Variants in ERCC1 observed in about 807,000 individuals in gnomAD.
ERCC1 encodes the protein ERCC excision repair 1, endonuclease non-catalytic subunit.
A neutral mutation model predicts 37.6 loss-of-function variants in ERCC1; 36 were observed. That is an observed-to-expected ratio of 0.96 (90% CI 0.73 to 1.26). The LOEUF is 1.26. ERCC1 is among the 50% of genes most tolerant of loss of function. The probability of loss-of-function intolerance (pLI) is 0.00; values close to 1 mark genes in which losing one functional copy is unlikely to be tolerated. For synonymous variants in ERCC1, 156 were observed against 162.1 expected (o/e 0.96, Z 0.28); for missense variants, 349 against 376.5 (o/e 0.93, Z 0.60).
At chr19:45,422,672 G>T (rs975632337) in intron 2 of ERCC1, among the ~76,000 whole-genome samples, 2 of 152,102 alleles carry the variant, frequency 1.3e-5, no homozygotes, top group African/African-American at 2.4e-5. Context: ...CAGGAGAATC[G>T]CTTGAACCCA....
intron 1 of ERCC1, among the ~76,000 whole-genome samples, chr19:45,435,367 C>G (rs891227986): frequency 2.0e-5 from 3 of 152,218 alleles, no homozygotes; most frequent in Admixed American, 6.5e-5. Flanking sequence ...AAGGTAGACT[C>G]TTATCCAAGG....
intron 1 of ERCC1, among the ~76,000 whole-genome samples, chr19:45,439,487 C>A (rs899191014): frequency 4.7e-4 from 71 of 152,226 alleles, no homozygotes; most frequent in African/African-American, 1.6e-3. Context: ...CGCTTGAGCC[C>A]AGGAGTTCTA....
intron 6 of ERCC1, chr19:45,415,809 C>T: frequency 2.2e-6 from 1 of 455,926 alleles, no homozygotes; most frequent in Non-Finnish European, 4.4e-6. Flanking sequence ...AACCCTGGGC[C>T]AGTGGTTTGC....
intron 2 of ERCC1, 150 bp from the exon 3 acceptor site, chr19:45,421,543 C>A: frequency 1.7e-6 from 1 of 582,888 alleles, no homozygotes; most frequent in Non-Finnish European, 3.0e-6. Context: ...TATCTTGGCT[C>A]ATTGCAACCT....
At chr19:45,439,223 C>T (rs1975056394) in intron 1 of ERCC1, among the ~76,000 whole-genome samples, 1 of 151,954 alleles carries the variant, frequency 6.6e-6, no homozygotes, top group Non-Finnish European at 1.5e-5. Flanking sequence ...ACAAATAGCG[C>T]CTCGTTTTCT....
intron 5 of ERCC1, 105 bp from the exon 6 acceptor site, chr19:45,417,002 TG>T (rs1410281095): frequency 3.7e-6 from 3 of 814,946 alleles, no homozygotes; most frequent in Non-Finnish European, 6.2e-6. Context: ...GAAGCTGAGG[TG>T]GGGGAACTGC....
At position 45,420,494 on chromosome 19, in the gene ERCC1, C is replaced by T. The variant is rs747752046; in HGVS notation, c.322-67G>A. On this transcript the variant is annotated intron_variant, in intron 3 of 9. Transcript: ENST00000300853. The surrounding 1 kb of genome is among the most constrained non-coding windows in gnomAD (Gnocchi z 4.8). ...CCTTGATAACCACAGGGCCCTCCTC[C>T]ACCTCTTCTTGCACCTCCTCCCTCC... 7.7e-5 allele frequency: 76 copies of T among 991,370 alleles called. No individual in the cohort carries two copies. The highest frequency in any genetic ancestry group is 1.1e-4 in the Non-Finnish European group (68 of 630,934). The allele number at this position is 991,370 out of a possible 1,614,324, so 61.4% of individuals were successfully genotyped here.
chr19:45,439,259 G>A (rs1975057244), intron 1 of ERCC1, among the ~76,000 whole-genome samples: 1 of 152,104 alleles, frequency 6.6e-6, no homozygotes, highest in Admixed American at 6.6e-5. Flanking sequence ...CCCCATTTAG[G>A]AAGTGTCCAA....
chr19:45,432,219 C>T (rs1044861976), intron 1 of ERCC1, among the ~76,000 whole-genome samples: 6 of 151,916 alleles, frequency 3.9e-5, no homozygotes, highest in South Asian at 4.1e-4. Context: ...ATCCACCCGC[C>T]TTGGCCTCCC....
Position 45,421,253 on chromosome 19 carries a change from G to A in ERCC1, c.246C>T (p.Pro82=). Residue 82 remains proline, a synonymous_variant, in exon 3 of 10, where the codon CCC becomes CCT. Coordinates refer to ENST00000300853, the MANE Select transcript of ERCC1 (RefSeq NM_001983.4). ...AGATCPTGSE[P]LAGETPNQAL... ...CCTGGTTGGGCGTCTCTCCTGCCAG[G>A]GGCTCTGACCCTGTGGGGCACGTGG... is the stretch of plus-strand genomic sequence containing the variant. The A allele has an allele frequency of 6.2e-7, 1 of 1,614,196 alleles. No homozygotes were observed. Among genetic ancestry groups the A allele is most frequent in the South Asian group, 1.1e-5 (1 of 91,080 alleles).
At chr19:45,422,214 T>A (rs1974479773) in intron 2 of ERCC1, among the ~76,000 whole-genome samples, 1 of 152,080 alleles carries the variant, frequency 6.6e-6, no homozygotes, top group South Asian at 2.1e-4. Context: ...GCCAAAGCTG[T>A]CACCATCACC....
intron 1 of ERCC1, among the ~76,000 whole-genome samples, chr19:45,432,995 G>A (rs1034345585): frequency 2.0e-5 from 3 of 152,196 alleles, no homozygotes; most frequent in African/African-American, 4.8e-5. Flanking sequence ...CAGGAGAATC[G>A]CTTGAACCTG....
At chr19:45,415,770 T>C in intron 6 of ERCC1, 1 of 455,954 alleles carries the variant, frequency 2.2e-6, no homozygotes, top group South Asian at 1.5e-5. Flanking sequence ...GGCCAGCTCT[T>C]GGGAGCCCAA....
intron 4 of ERCC1, chr19:45,419,527 G>A (rs569464001): frequency 5.6e-6 from 2 of 357,322 alleles, no homozygotes; most frequent in Admixed American, 3.9e-5. Flanking sequence ...CATGGCTCGC[G>A]GTGGGAAGCA....
chr19:45,409,189 G>C lies in ERCC1; in HGVS notation c.*486C>G. ...CAGAGACAGAGGTGGTGGGGCCTGA[G>C]CTGCCGGATGACCTTGAGCCTCAGG... On this transcript the variant is annotated 3_prime_UTR_variant, in exon 10 of 10. Transcript: ENST00000300853. 1 of 1,613,686 alleles carries C rather than the reference G, an allele frequency of 6.2e-7. No homozygotes were observed. The highest frequency in any genetic ancestry group is 8.5e-7 in the Non-Finnish European group (1 of 1,179,746).
At chr19:45,421,106 A>G (rs2123519188) in intron 3 of ERCC1, 72 bp downstream of exon 3, 1 of 1,296,534 alleles carries the variant, frequency 7.7e-7, no homozygotes. Flanking sequence ...ACCTCCTTGC[A>G]CTGGAGTCAT....
At chr19:45,426,378 CAAA>C (rs71173164), upstream of ERCC1, among the ~76,000 whole-genome samples, 326 of 55,374 alleles carry the variant, frequency 5.9e-3, 3 homozygotes, top group African/African-American at 0.019. Flanking sequence ...GACTCTGTCT[CAAA>C]AAAAAAAAAA....
chr19:45,431,333 C>G (rs537518626), intron 1 of ERCC1, among the ~76,000 whole-genome samples: 32 of 152,228 alleles, frequency 2.1e-4, no homozygotes, highest in African/African-American at 7.5e-4. Flanking sequence ...CCTGTAATTC[C>G]AGGACTTTGG....
chr19:45,433,248 G>A (rs1024581050), intron 1 of ERCC1, among the ~76,000 whole-genome samples: 9 of 151,836 alleles, frequency 5.9e-5, no homozygotes, highest in East Asian at 1.9e-4. Flanking sequence ...AAATTAAGCC[G>A]GGCACAATGC....
Sources: allele counts gnomAD v4.1 joint callset (sites outside exome capture counted in the v4.1 genomes callset), GRCh38; gene constraint gnomAD v4.1.1; non-coding constraint Gnocchi (gnomAD v3.1); transcripts MANE v1.5; gene names NCBI Gene and HGNC (gene_info 2026-07-23, HGNC 2026-07-21).